The following BCKDHB variants were observed in gnomAD, a reference collection of about 807,000 sequenced individuals.
BCKDHB encodes 2-oxoisovalerate dehydrogenase subunit beta, mitochondrial.
In BCKDHB, 41 loss-of-function variants were observed where a neutral mutation model predicts 48.5. That is an observed-to-expected ratio of 0.85 (90% CI 0.66 to 1.10). The LOEUF is 1.10. Ranked by LOEUF, BCKDHB falls within the 50% of genes least tolerant of loss-of-function variation. The pLI, the probability that BCKDHB is intolerant of heterozygous loss-of-function variation, is 0.00. For synonymous variants in BCKDHB, 201 were observed against 174.8 expected (o/e 1.15, Z -1.18); for missense variants, 496 against 494.2 (o/e 1.00, Z -0.03).
chr6:80,327,657 A>T (rs890747352), intron 9 of BCKDHB, among the ~76,000 whole-genome samples: 1 of 152,132 alleles, frequency 6.6e-6, no homozygotes, highest in African/African-American at 2.4e-5. Context: ...TGTACCTCGT[A>T]TTTGAGGAAT....
chr6:80,154,111 T>C (rs1362192410), intron 3 of BCKDHB, among the ~76,000 whole-genome samples: 2 of 152,208 alleles, frequency 1.3e-5, no homozygotes, highest in Non-Finnish European at 2.9e-5. Context: ...TAAAACTTTG[T>C]ATGAGTCCTC....
At chr6:80,401,622 A>C in the BCKDHB span, among the ~76,000 whole-genome samples, 1 of 151,806 alleles carries the variant, frequency 6.6e-6, no homozygotes, top group Non-Finnish European at 1.5e-5. Context: ...GGACTAATGC[A>C]TTAAGTATAC....
At chr6:80,337,129 C>T (rs773185969) in intron 9 of BCKDHB, among the ~76,000 whole-genome samples, 1 of 152,136 alleles carries the variant, frequency 6.6e-6, no homozygotes, top group Middle Eastern at 3.4e-3. Flanking sequence ...AAGTGTGATT[C>T]AAGAGACCAG....
downstream of BCKDHB, among the ~76,000 whole-genome samples, chr6:80,348,759 A>G (rs928721175): frequency 6.6e-6 from 1 of 152,150 alleles, no homozygotes; most frequent in African/African-American, 2.4e-5. Flanking sequence ...ACATGACCCC[A>G]AAAAAGTCAC....
At chr6:80,210,112 A>G (rs1774846914) in intron 8 of BCKDHB, among the ~76,000 whole-genome samples, 1 of 133,020 alleles carries the variant, frequency 7.5e-6, no homozygotes, top group Non-Finnish European at 1.6e-5. Flanking sequence ...CCAATCCTGT[A>G]TGTGTATATG....
intron 3 of BCKDHB, among the ~76,000 whole-genome samples, chr6:80,161,592 C>CTGAT (rs1212780814): frequency 6.6e-6 from 1 of 152,212 alleles, no homozygotes; most frequent in Non-Finnish European, 1.5e-5. Context: ...GGACCTCAGG[C>CTGAT]TGATCCTCTT....
chr6:80,383,653 T>A, the BCKDHB span, among the ~76,000 whole-genome samples: 3 of 151,988 alleles, frequency 2.0e-5, no homozygotes, highest in Non-Finnish European at 4.4e-5. Context: ...ATCCAATCTC[T>A]TGTCTCTTTA....
intron 3 of BCKDHB, among the ~76,000 whole-genome samples, chr6:80,150,790 C>G (rs1479539877): frequency 6.6e-6 from 1 of 152,096 alleles, no homozygotes; most frequent in Non-Finnish European, 1.5e-5. Context: ...CTCCTGACCT[C>G]AGGTGACCAG....
intron 9 of BCKDHB, chr6:80,307,973 A>G: frequency 1.1e-6 from 1 of 931,640 alleles, no homozygotes; most frequent in Non-Finnish European, 1.3e-6. Flanking sequence ...TTTGAATGCC[A>G]GATACTGCAA....
At chr6:80,409,575 CATAT>C in the BCKDHB span, among the ~76,000 whole-genome samples, 32 of 50,230 alleles carry the variant, frequency 6.4e-4, no homozygotes, top group Admixed American at 1.5e-3. Flanking sequence ...GTATTGGTTG[CATAT>C]ATATATATAT....
At chr6:80,350,375 T>A (rs1052826829), downstream of BCKDHB, among the ~76,000 whole-genome samples, 21 of 146,536 alleles carry the variant, frequency 1.4e-4, no homozygotes, top group East Asian at 2.4e-3. Context: ...TGAAGTTTTT[T>A]AAAATAAAAA....
At chr6:80,332,034 G>A (rs1159505) in intron 9 of BCKDHB, among the ~76,000 whole-genome samples, 118,021 of 152,092 alleles carry the variant, frequency 0.78, 46,169 homozygotes, top group Admixed American at 0.84. Flanking sequence ...ATAATTTTTT[G>A]AAGAGTTTTT....
intron 1 of BCKDHB, among the ~76,000 whole-genome samples, chr6:80,108,416 A>G (rs1185606679): frequency 1.3e-5 from 2 of 151,468 alleles, no homozygotes; most frequent in Non-Finnish European, 2.9e-5. Context: ...AAATAGTCCA[A>G]CTTTCCATAG....
intron 8 of BCKDHB, among the ~76,000 whole-genome samples, chr6:80,220,405 GTTT>G (rs58469565): frequency 0.067 from 2,281 of 33,852 alleles, 127 homozygotes; most frequent in African/African-American, 0.18. Context: ...CTTTAGTAGT[GTTT>G]TTTTTTTTTT....
chr6:80,194,506 T>A (rs1281067536), intron 6 of BCKDHB, among the ~76,000 whole-genome samples: 1 of 152,220 alleles, frequency 6.6e-6, no homozygotes, highest in Non-Finnish European at 1.5e-5. Context: ...TTCTCCTTAG[T>A]TTCCTTTATT....
rs911181994 is a variant in BCKDHB, at chr6:80,171,352, G to C, written c.704G>C (p.Cys235Ser). Residue 235 changes from cysteine (C) to serine (S), a missense_variant, in exon 6 of 10, where the codon TGT becomes TCT. Transcript: ENST00000320393. ...LLSCIEDKNP[C>S]IFFEPKILYR... Reference sequence around the variant, plus strand: ...TCATGCATAGAGGATAAAAATCCTTGTATATTTTTTGAACCTAAAATACTT... The same window carrying C: ...TCATGCATAGAGGATAAAAATCCTTCTATATTTTTTGAACCTAAAATACTT... 2.5e-6 allele frequency: 4 copies of C among 1,606,970 alleles called. No homozygotes were observed. The African/African-American group carries it at 4.0e-5, about 16-fold the overall frequency.
intron 6 of BCKDHB, among the ~76,000 whole-genome samples, chr6:80,192,103 G>C (rs1773925873): frequency 6.6e-6 from 1 of 152,058 alleles, no homozygotes; most frequent in Non-Finnish European, 1.5e-5. Flanking sequence ...CAGTGTGATA[G>C]ATAATAAAAA....
chr6:80,231,946 C>T (rs1444139227), intron 8 of BCKDHB, among the ~76,000 whole-genome samples: 5 of 152,230 alleles, frequency 3.3e-5, no homozygotes, highest in Non-Finnish European at 7.3e-5. Context: ...GCCAGGGTCA[C>T]AGGGCGAGAG....
the BCKDHB span, among the ~76,000 whole-genome samples, chr6:80,400,256 C>T: frequency 6.6e-6 from 1 of 152,048 alleles, no homozygotes; most frequent in South Asian, 2.1e-4. Flanking sequence ...TGAAGAGCTT[C>T]TACTCAGCAA....
Sources: allele counts gnomAD v4.1 joint callset (sites outside exome capture counted in the v4.1 genomes callset), GRCh38; gene constraint gnomAD v4.1.1; transcripts MANE v1.5; gene names NCBI Gene and HGNC (gene_info 2026-07-23, HGNC 2026-07-21).